The following KIF26B variants were observed in gnomAD, a reference collection of about 807,000 sequenced individuals.
KIF26B encodes the protein kinesin-like protein KIF26B.
Under a neutral mutation model 151.2 loss-of-function variants are expected in KIF26B, and 63 were observed. The observed-to-expected ratio is 0.42, with a 90% CI of 0.34 to 0.51. KIF26B has a LOEUF of 0.51. Ranked by LOEUF, KIF26B falls within the 20% of genes least tolerant of loss-of-function variation. The pLI, the probability that KIF26B is intolerant of heterozygous loss-of-function variation, is 0.07. For missense variants in KIF26B, 2,813 were observed against 2,913.6 expected (o/e 0.97, Z 0.79); for synonymous variants, 1,357 against 1,262.1 (o/e 1.08, Z -1.59).
At chr1:245,327,036 G>A (rs1265425587) in intron 2 of KIF26B, among the ~76,000 whole-genome samples, 1 of 152,068 alleles carries the variant, frequency 6.6e-6, no homozygotes, top group Non-Finnish European at 1.5e-5. Context: ...ATTATTCCAG[G>A]TTCAGCAATG....
At chr1:245,406,495 A>T (rs1674138227) in intron 3 of KIF26B, among the ~76,000 whole-genome samples, 1 of 152,184 alleles carries the variant, frequency 6.6e-6, no homozygotes, top group African/African-American at 2.4e-5. Flanking sequence ...CATGGAGGTG[A>T]CGTAGGCCCT....
At chr1:245,334,319 A>C (rs1458988196) in intron 2 of KIF26B, among the ~76,000 whole-genome samples, 1 of 152,194 alleles carries the variant, frequency 6.6e-6, no homozygotes, top group East Asian at 1.9e-4. Context: ...GAATGTTATG[A>C]AAATGTTCGT....
chr1:245,376,232 C>T (rs1673269861), intron 3 of KIF26B, among the ~76,000 whole-genome samples: 1 of 152,184 alleles, frequency 6.6e-6, no homozygotes, highest in Admixed American at 6.5e-5. Flanking sequence ...TGGTAAAGAT[C>T]TTCATAATGC....
intron 4 of KIF26B, among the ~76,000 whole-genome samples, chr1:245,462,516 C>A (rs376887934): frequency 2.0e-5 from 3 of 152,184 alleles, no homozygotes; most frequent in African/African-American, 4.8e-5. Flanking sequence ...CTTTGTGGAG[C>A]AGGAGACAGT....
rs1455922356 is a variant in KIF26B at position 245,352,350 on chromosome 1, G to A, written c.466-14484G>A. 2.0e-5 allele frequency among the ~76,000 whole-genome samples: 3 copies of A among 152,060 alleles called. No individual in the cohort carries two copies. The highest frequency in any genetic ancestry group is 6.6e-5 in the Admixed American group (1 of 15,254). The stretch of plus-strand genomic sequence containing the variant: ...GCGATCTCAGCTCACTGCAACCTCC[G>A]CCTCCCAGGCTCAAGCAATTCTCCT... On this transcript the variant is annotated intron_variant, in intron 2 of 14. Coordinates refer to ENST00000407071, the MANE Select transcript of KIF26B (RefSeq NM_018012.4). This position sits in a 1 kb window ranked among gnomAD's most constrained non-coding sequence, Gnocchi z 5.0.
chr1:245,440,284 G>T (rs1386869561), intron 4 of KIF26B, among the ~76,000 whole-genome samples: 1 of 152,080 alleles, frequency 6.6e-6, no homozygotes, highest in Non-Finnish European at 1.5e-5. Flanking sequence ...AAAGCCTGGT[G>T]AGCGGGTAGA....
intron 2 of KIF26B, among the ~76,000 whole-genome samples, chr1:245,308,691 T>G (rs1398579551): frequency 1.3e-5 from 2 of 152,038 alleles, no homozygotes; most frequent in Non-Finnish European, 2.9e-5. Context: ...TGAGCTGTGA[T>G]TGCACCACTT....
At chr1:245,441,577 G>A (rs566984977) in intron 4 of KIF26B, among the ~76,000 whole-genome samples, 4 of 152,178 alleles carry the variant, frequency 2.6e-5, no homozygotes, top group South Asian at 4.2e-4. Flanking sequence ...CTCGGCTAAC[G>A]TGTGTGAGTC....
Position 245,239,367 on chromosome 1 carries a change from G to A in KIF26B, c.465+82684G>A, listed in dbSNP as rs1345870005. On this transcript the variant is annotated intron_variant, in intron 2 of 14. Coordinates refer to ENST00000407071, the MANE Select transcript of KIF26B (RefSeq NM_018012.4). The surrounding 1 kb of genome is among the most constrained non-coding windows in gnomAD (Gnocchi z 4.3). Reference sequence around the variant, plus strand: ...CTGATTCACTTTCCAGAAGAGCTACGTTTTAATGATTTACTAGAAAGCGAA... The same window carrying A: ...CTGATTCACTTTCCAGAAGAGCTACATTTTAATGATTTACTAGAAAGCGAA... Among the ~76,000 whole-genome samples, 4 of 152,176 alleles carry A rather than the reference G, an allele frequency of 2.6e-5. No homozygotes were observed. The highest frequency in any genetic ancestry group is 2.1e-4 in the South Asian group (1 of 4,828).
intron 5 of KIF26B, among the ~76,000 whole-genome samples, chr1:245,545,783 C>T (rs373556446): frequency 1.7e-5 from 2 of 120,032 alleles, no homozygotes; most frequent in African/African-American, 3.0e-5. Flanking sequence ...TGTTTGAAAA[C>T]GGTTGCTTCT....
At chr1:245,523,289 C>T (rs1296006329) in intron 4 of KIF26B, among the ~76,000 whole-genome samples, 1 of 152,164 alleles carries the variant, frequency 6.6e-6, no homozygotes, top group African/African-American at 2.4e-5. Flanking sequence ...CCCATATTCT[C>T]AATTTACACA....
chr1:245,292,415 A>G (rs1189028350), intron 2 of KIF26B, among the ~76,000 whole-genome samples: 1 of 152,126 alleles, frequency 6.6e-6, no homozygotes, highest in Non-Finnish European at 1.5e-5. Flanking sequence ...AGAGGGGCTC[A>G]GTGTCGCCGT....
At chr1:245,550,560 G>T (rs138270707) in intron 5 of KIF26B, among the ~76,000 whole-genome samples, 3 of 152,236 alleles carry the variant, frequency 2.0e-5, no homozygotes, top group African/African-American at 7.2e-5. Context: ...ACCCACCGGC[G>T]CAGTGGTTAG....
chr1:245,643,536 A>G lies in KIF26B; in HGVS notation c.2099-2585A>G, dbSNP rs563557498. On this transcript the variant is annotated intron_variant, in intron 9 of 14. Coordinates refer to ENST00000407071, the MANE Select transcript of KIF26B (RefSeq NM_018012.4). ...TTGTGTTATTGCTATCAAACATTTT[A>G]ATTTTACATATGTCATCATTCACAC... Among the ~76,000 whole-genome samples the G allele has an allele frequency of 3.3e-5, 5 of 152,252 alleles. No individual in the cohort carries two copies. The East Asian group carries it at 9.6e-4, about 29-fold the overall frequency.
At chr1:245,582,656 A>T (rs905088960) in intron 5 of KIF26B, among the ~76,000 whole-genome samples, 1 of 152,162 alleles carries the variant, frequency 6.6e-6, no homozygotes, top group Non-Finnish European at 1.5e-5. Context: ...CTGTCTCCCC[A>T]GGCAGACAAT....
At chr1:245,369,277 G>A (rs1473916360) in intron 3 of KIF26B, among the ~76,000 whole-genome samples, 3 of 152,188 alleles carry the variant, frequency 2.0e-5, no homozygotes, top group Non-Finnish European at 4.4e-5. Flanking sequence ...CTACCCGTGA[G>A]CCCAGGAGAA....
At chr1:245,261,032 TTTCTTTC>T (rs200228446) in intron 2 of KIF26B, among the ~76,000 whole-genome samples, 245 of 148,228 alleles carry the variant, frequency 1.7e-3, no homozygotes, top group African/African-American at 6.3e-3. Flanking sequence ...CCTCTCTGTC[TTTCTTTC>T]TTTTCTTTCT....
chr1:245,686,982 C>T lies in KIF26B; in HGVS notation c.3999C>T (p.Pro1333=). 1 of 1,613,554 alleles carries T rather than the reference C, an allele frequency of 6.2e-7. No individual in the cohort carries two copies. Among genetic ancestry groups the T allele is most frequent in the Non-Finnish European group, 8.5e-7 (1 of 1,179,812 alleles). ...QNTAVVCREK[P]KASPDNLLIL... Reference sequence around the variant, plus strand: ...CCGCTGTGGTGTGCAGAGAGAAGCCCAAGGCCAGCCCCGACAACTTGCTCA... The same window carrying T: ...CCGCTGTGGTGTGCAGAGAGAAGCCTAAGGCCAGCCCCGACAACTTGCTCA... Residue 1333 remains proline, a synonymous_variant, in exon 12 of 15, where the codon CCC becomes CCT. Coordinates refer to ENST00000407071, the MANE Select transcript of KIF26B (RefSeq NM_018012.4). This position sits in a 1 kb window ranked among gnomAD's most constrained non-coding sequence, Gnocchi z 5.6.
At chr1:245,446,185 C>A (rs746037664) in intron 4 of KIF26B, among the ~76,000 whole-genome samples, 5 of 152,078 alleles carry the variant, frequency 3.3e-5, no homozygotes, top group African/African-American at 1.2e-4. Context: ...CTGTACTGAG[C>A]GCTTTAGGCA....
Sources: allele counts gnomAD v4.1 joint callset (sites outside exome capture counted in the v4.1 genomes callset), GRCh38; gene constraint gnomAD v4.1.1; non-coding constraint Gnocchi (gnomAD v3.1); transcripts MANE v1.5; gene names NCBI Gene and HGNC (gene_info 2026-07-23, HGNC 2026-07-21).